The following FHIT variants were observed in gnomAD, a reference collection of about 807,000 sequenced individuals.
The protein encoded by FHIT is bis(5'-adenosyl)-triphosphatase.
Under a neutral mutation model 17.9 loss-of-function variants are expected in FHIT, and 19 were observed. The ratio of observed to expected loss-of-function variants is 1.06; its 90% CI spans 0.74 to 1.56. The LOEUF (loss-of-function observed/expected upper bound fraction) is 1.56. Among genes scored for constraint, FHIT ranks in the 40% most tolerant of loss-of-function variants. The pLI, the probability that FHIT is intolerant of heterozygous loss-of-function variation, is 0.00. For synonymous variants in FHIT, 81 were observed against 69.7 expected (o/e 1.16, Z -0.81); for missense variants, 248 against 189.2 (o/e 1.31, Z -1.82).
chr3:60,298,026 A>G (rs367572532), intron 5 of FHIT, among the ~76,000 whole-genome samples: 1 of 152,092 alleles, frequency 6.6e-6, no homozygotes, highest in East Asian at 1.9e-4. Flanking sequence ...ATGCAGATAT[A>G]CAACCAGATG....
intron 2 of FHIT, among the ~76,000 whole-genome samples, chr3:61,141,886 C>A (rs962596115): frequency 6.6e-6 from 1 of 151,494 alleles, no homozygotes; most frequent in South Asian, 2.1e-4. Flanking sequence ...GGGAAATCTG[C>A]ATCACCGGGA....
intron 5 of FHIT, among the ~76,000 whole-genome samples, chr3:60,087,075 C>T (rs540339540): frequency 3.0e-4 from 46 of 152,330 alleles, no homozygotes; most frequent in Admixed American, 2.7e-3. Flanking sequence ...GCAGACGTAA[C>T]GTCATGCAAA....
At chr3:60,478,665 C>T (rs1292871989) in intron 5 of FHIT, among the ~76,000 whole-genome samples, 1 of 152,190 alleles carries the variant, frequency 6.6e-6, no homozygotes, top group East Asian at 1.9e-4. Context: ...CATTATGATA[C>T]AGTCATTACA....
At chr3:59,956,763 T>C (rs1707422907) in intron 7 of FHIT, among the ~76,000 whole-genome samples, 1 of 152,198 alleles carries the variant, frequency 6.6e-6, no homozygotes, top group Non-Finnish European at 1.5e-5. Context: ...CACATAGTGG[T>C]GAATATTCAA....
chr3:60,589,734 T>C (rs1319252192), intron 4 of FHIT, among the ~76,000 whole-genome samples: 2 of 152,106 alleles, frequency 1.3e-5, no homozygotes, highest in Admixed American at 1.3e-4. Flanking sequence ...TAGTATATGA[T>C]ACTACTTGTT....
At chr3:61,167,238 T>C (rs1473516190) in intron 2 of FHIT, among the ~76,000 whole-genome samples, 2 of 151,616 alleles carry the variant, frequency 1.3e-5, no homozygotes, top group Non-Finnish European at 1.5e-5. Context: ...CTATTAAATA[T>C]ATACTATATT....
chr3:60,465,812 G>A (rs2032756603), intron 5 of FHIT, among the ~76,000 whole-genome samples: 1 of 152,092 alleles, frequency 6.6e-6, no homozygotes, highest in Non-Finnish European at 1.5e-5. Context: ...ATAATTTGAA[G>A]TCAGATAATG....
At chr3:60,130,747 T>G (rs74958997) in intron 5 of FHIT, among the ~76,000 whole-genome samples, 4,073 of 54,484 alleles carry the variant, frequency 0.075, 152 homozygotes, top group African/African-American at 0.22. Flanking sequence ...TGAATAGGGG[T>G]GTGTGTGTGT....
At chr3:60,576,949 T>TATATAC (rs1553657810) in intron 4 of FHIT, among the ~76,000 whole-genome samples, 1 of 146,746 alleles carries the variant, frequency 6.8e-6, no homozygotes, top group Non-Finnish European at 1.5e-5. Context: ...TCCATTTGCA[T>TATATAC]ACACACACAC....
At chr3:60,860,127 T>G (rs1422925220) in intron 3 of FHIT, among the ~76,000 whole-genome samples, 2 of 147,852 alleles carry the variant, frequency 1.4e-5, no homozygotes, top group East Asian at 3.9e-4. Flanking sequence ...ATAAATGATA[T>G]ATCTGATATA....
At chr3:60,344,413 TC>T in intron 5 of FHIT, among the ~76,000 whole-genome samples, 1 of 152,330 alleles carries the variant, frequency 6.6e-6, no homozygotes, top group East Asian at 1.9e-4. Context: ...GTATCTATTT[TC>T]TCCATATTTC....
chr3:59,974,528 C>T (rs547403410), intron 7 of FHIT, among the ~76,000 whole-genome samples: 98 of 152,246 alleles, frequency 6.4e-4, no homozygotes, highest in African/African-American at 2.3e-3. Flanking sequence ...TTATTTTCTA[C>T]CTCATCTGTC....
At chr3:59,776,024 AG>A (rs375444564) in intron 8 of FHIT, among the ~76,000 whole-genome samples, 151 of 152,322 alleles carry the variant, frequency 9.9e-4, no homozygotes, top group African/African-American at 3.3e-3. Flanking sequence ...ACACAGCCAA[AG>A]TTTGGCGCTG....
intron 4 of FHIT, among the ~76,000 whole-genome samples, chr3:60,558,201 C>G (rs1576875267): frequency 6.6e-6 from 1 of 152,008 alleles, no homozygotes; most frequent in Non-Finnish European, 1.5e-5. Flanking sequence ...GTGCTAGACC[C>G]TGCCCTACCT....
intron 4 of FHIT, among the ~76,000 whole-genome samples, chr3:60,709,889 A>G (rs1419841317): frequency 6.6e-6 from 1 of 152,134 alleles, no homozygotes; most frequent in Non-Finnish European, 1.5e-5. Flanking sequence ...TAAATACTTG[A>G]GTTTGCATAA....
chr3:61,199,626 A>G (rs2038956777), intron 2 of FHIT, among the ~76,000 whole-genome samples: 1 of 152,192 alleles, frequency 6.6e-6, no homozygotes, highest in African/African-American at 2.4e-5. Flanking sequence ...CCAAATAAAC[A>G]TGAAAAATTC....
intron 5 of FHIT, among the ~76,000 whole-genome samples, chr3:60,147,129 T>C (rs976980514): frequency 2.6e-5 from 4 of 152,116 alleles, no homozygotes; most frequent in East Asian, 1.9e-4. Context: ...GAAAAAGCTA[T>C]TCTAAAAAAG....
chr3:60,373,813 G>T (rs1006862554), intron 5 of FHIT, among the ~76,000 whole-genome samples: 7 of 152,106 alleles, frequency 4.6e-5, no homozygotes, highest in African/African-American at 1.7e-4. Context: ...TCAAACTTCT[G>T]GTTCAAACAG....
chr3:60,925,685 G>C (rs1707559036), intron 3 of FHIT, among the ~76,000 whole-genome samples: 1 of 152,144 alleles, frequency 6.6e-6, no homozygotes, highest in South Asian at 2.1e-4. Flanking sequence ...ACATCATAAT[G>C]ACAGGATCAA....
Sources: gnomAD v4.1 joint callset for allele counts (sites outside exome capture counted in the v4.1 genomes callset) on GRCh38, gnomAD v4.1.1 for gene constraint, MANE v1.5 for transcripts, NCBI Gene and HGNC (gene_info 2026-07-23, HGNC 2026-07-21) for gene names.